Variants in CAP2 observed in about 807,000 individuals in gnomAD.
CAP2 encodes the protein adenylyl cyclase-associated protein 2.
A neutral mutation model predicts 57.7 loss-of-function variants in CAP2; 24 were observed. The observed-to-expected ratio is 0.42, with a 90% CI of 0.30 to 0.58. The LOEUF is 0.58. CAP2 is among the 20% of genes least tolerant of loss of function. CAP2 has a pLI of 0.22. For synonymous variants in CAP2, 194 were observed against 207.2 expected, an observed-to-expected ratio of 0.94 and a Z score of 0.55; for missense variants, 501 against 590.3, an observed-to-expected ratio of 0.85 and a Z score of 1.57.
chr6:17,426,420 G>C lies in CAP2; in HGVS notation c.122-170G>C, dbSNP rs917561650. Reference sequence around the variant, plus strand: ...CTGGCTAATTTTTGTATTTTTAGTAGAGACGGGTTTCACCATGTTGTCCAG... The same window carrying C: ...CTGGCTAATTTTTGTATTTTTAGTACAGACGGGTTTCACCATGTTGTCCAG... On this transcript the variant is annotated intron_variant, in intron 2 of 12. Transcript: ENST00000229922. Among the ~76,000 whole-genome samples the C allele has an allele frequency of 1.1e-4, 17 of 151,906 alleles. No individual in the cohort carries two copies. The East Asian group carries it at 1.9e-3, about 17-fold the overall frequency.
At chr6:17,507,460 A>G in intron 5 of CAP2, 148 bp downstream of exon 5, 1 of 925,088 alleles carries the variant, frequency 1.1e-6, no homozygotes, top group Non-Finnish European at 1.7e-6. Flanking sequence ...CCCTGTTTAA[A>G]GTTCAAGCTT....
chr6:17,448,057 A>G (rs73721551), intron 3 of CAP2, among the ~76,000 whole-genome samples: 2,403 of 152,364 alleles, frequency 0.016, 49 homozygotes, highest in African/African-American at 0.05. Flanking sequence ...CCTCTGGAAT[A>G]TATCTTCTAT....
At chr6:17,490,567 T>C (rs1296750868) in intron 4 of CAP2, among the ~76,000 whole-genome samples, 1 of 152,176 alleles carries the variant, frequency 6.6e-6, no homozygotes, top group Admixed American at 6.5e-5. Context: ...TTGGGTTGGG[T>C]GGGGTGTAAG....
intron 7 of CAP2, chr6:17,531,294 T>A: frequency 1.1e-6 from 1 of 922,890 alleles, no homozygotes; most frequent in Non-Finnish European, 1.8e-6. Context: ...GTTGAAGATT[T>A]GACGAAGGGA....
At chr6:17,448,848 G>A (rs926481260) in intron 3 of CAP2, among the ~76,000 whole-genome samples, 6 of 151,598 alleles carry the variant, frequency 4.0e-5, no homozygotes, top group African/African-American at 1.5e-4. Flanking sequence ...TGCAACCTCC[G>A]TTTCCCAGGT....
At chr6:17,474,915 G>T (rs1024294855) in intron 4 of CAP2, among the ~76,000 whole-genome samples, 1 of 152,008 alleles carries the variant, frequency 6.6e-6, no homozygotes, top group Non-Finnish European at 1.5e-5. Context: ...AGCTAGGTTC[G>T]GCCAGGCACA....
chr6:17,470,421 T>C (rs1468129601), intron 4 of CAP2, among the ~76,000 whole-genome samples: 1 of 152,252 alleles, frequency 6.6e-6, no homozygotes, highest in Non-Finnish European at 1.5e-5. Context: ...GTTGTCTGAC[T>C]GCTTTAGCAA....
chr6:17,421,295 T>C (rs902814842), intron 1 of CAP2, among the ~76,000 whole-genome samples: 4 of 152,110 alleles, frequency 2.6e-5, no homozygotes, highest in African/African-American at 9.7e-5. Context: ...TGTACACTGC[T>C]CAGATGATGG....
chr6:17,407,379 C>G (rs927088139), intron 1 of CAP2, among the ~76,000 whole-genome samples: 13 of 151,560 alleles, frequency 8.6e-5, no homozygotes, highest in Non-Finnish European at 1.3e-4. Context: ...TTCGGGAGAC[C>G]GAGTCAGGAG....
intron 3 of CAP2, among the ~76,000 whole-genome samples, chr6:17,450,298 G>C (rs1291216736): frequency 6.6e-6 from 1 of 152,058 alleles, no homozygotes; most frequent in Admixed American, 6.5e-5. Context: ...TGATCCGCCT[G>C]TCTCGGCCCC....
At chr6:17,400,234 C>T (rs1481231482) in intron 1 of CAP2, among the ~76,000 whole-genome samples, 2 of 151,940 alleles carry the variant, frequency 1.3e-5, no homozygotes, top group African/African-American at 4.8e-5. Flanking sequence ...TCAAAACACA[C>T]ACACACATAC....
At chr6:17,410,714 C>G (rs748043289) in intron 1 of CAP2, among the ~76,000 whole-genome samples, 2 of 151,992 alleles carry the variant, frequency 1.3e-5, no homozygotes, top group South Asian at 2.1e-4. Flanking sequence ...ACCGCCACCA[C>G]GCCTGGTCAA....
intron 3 of CAP2, among the ~76,000 whole-genome samples, chr6:17,460,700 C>G (rs1760695622): frequency 6.6e-6 from 1 of 152,120 alleles, no homozygotes; most frequent in Non-Finnish European, 1.5e-5. Flanking sequence ...AGAAACTTTT[C>G]TTTGAAGTTT....
At chr6:17,437,715 A>G (rs921354419) in intron 3 of CAP2, among the ~76,000 whole-genome samples, 14 of 151,832 alleles carry the variant, frequency 9.2e-5, no homozygotes, top group African/African-American at 3.4e-4. Context: ...TGTCTCTACT[A>G]AAAATACAAA....
chr6:17,476,105 G>A (rs1485097124), intron 4 of CAP2, among the ~76,000 whole-genome samples: 1 of 152,186 alleles, frequency 6.6e-6, no homozygotes, highest in East Asian at 1.9e-4. Context: ...CAGCTTGACA[G>A]CAAATTAAGC....
rs1561809465 is a variant in CAP2 at position 17,507,800 on chromosome 6, G to C, written c.530+74G>C. 2.1e-5 allele frequency: 17 copies of C among 794,240 alleles called. No homozygotes were observed. The East Asian group carries it at 4.2e-4, about 20-fold the overall frequency. The allele number at this position is 794,240 out of a possible 1,614,324, so 49.2% of individuals were successfully genotyped here. A position where few individuals can be genotyped will look rare whatever the true frequency, so the allele number is the denominator to read the frequency against. On this transcript the variant is annotated intron_variant, in intron 6 of 12. Transcript: ENST00000229922. ...ACATTTGTCCCTAAAACTCAGTCCA[G>C]TTAACTACTGATTCCTTTCCAAGGC...
chr6:17,556,103 G>A (rs1266240189), intron 12 of CAP2, among the ~76,000 whole-genome samples: 1 of 152,146 alleles, frequency 6.6e-6, no homozygotes, highest in African/African-American at 2.4e-5. Context: ...CCAGTGCTTA[G>A]AAGGATGCCT....
At chr6:17,460,331 T>TA (rs911588803) in intron 3 of CAP2, among the ~76,000 whole-genome samples, 9 of 151,334 alleles carry the variant, frequency 5.9e-5, no homozygotes, top group Non-Finnish European at 1.0e-4. Flanking sequence ...CCTGGCCAGT[T>TA]AAAAAAAAAT....
intron 12 of CAP2, among the ~76,000 whole-genome samples, chr6:17,553,411 A>G (rs914554510): frequency 6.6e-6 from 1 of 152,138 alleles, no homozygotes; most frequent in Non-Finnish European, 1.5e-5. Context: ...AGGCGGGCAG[A>G]TCACGAGCTC....
Sources: gnomAD v4.1 joint callset for allele counts (sites outside exome capture counted in the v4.1 genomes callset) on GRCh38, gnomAD v4.1.1 for gene constraint, MANE v1.5 for transcripts, NCBI Gene and HGNC (gene_info 2026-07-23, HGNC 2026-07-21) for gene names.